The following ZNF892 variants were observed in gnomAD, a reference collection of about 807,000 sequenced individuals.
ZNF892 encodes zinc finger protein 570-like.
chr2:95,227,317 A>AT, the ZNF892 span, among the ~76,000 whole-genome samples: 2 of 151,746 alleles, frequency 1.3e-5, no homozygotes, highest in African/African-American at 4.8e-5. Context: ...CAGCATGTGT[A>AT]TTTTTTTATT....
the ZNF892 span, among the ~76,000 whole-genome samples, chr2:95,261,582 A>C: frequency 1.3e-4 from 20 of 152,224 alleles, no homozygotes; most frequent in African/African-American, 4.6e-4. Context: ...GGCGTGAGCC[A>C]CCACGACTGG....
chr2:95,237,638 A>G, the ZNF892 span, among the ~76,000 whole-genome samples: 1 of 152,356 alleles, frequency 6.6e-6, no homozygotes, highest in South Asian at 2.1e-4. Flanking sequence ...GCTAGAAATG[A>G]TCAAGCTTAG....
At chr2:95,220,941 T>C in the ZNF892 span, among the ~76,000 whole-genome samples, 2 of 152,228 alleles carry the variant, frequency 1.3e-5, no homozygotes, top group East Asian at 3.8e-4. Flanking sequence ...AATTTTGGAT[T>C]TTTTTACAAT....
chr2:95,216,284 T>G, the ZNF892 span, among the ~76,000 whole-genome samples: 1 of 152,246 alleles, frequency 6.6e-6, no homozygotes, highest in Non-Finnish European at 1.5e-5. Flanking sequence ...TGTTTGCTTT[T>G]GGACTTTTTG....
chr2:95,210,306 T>C, the ZNF892 span, among the ~76,000 whole-genome samples: 1 of 151,580 alleles, frequency 6.6e-6, no homozygotes, highest in Non-Finnish European at 1.5e-5. Flanking sequence ...AAGTGGTAGT[T>C]TAAAGAGCGG....
chr2:95,247,630 A>G, the ZNF892 span, among the ~76,000 whole-genome samples: 1 of 152,222 alleles, frequency 6.6e-6, no homozygotes. Flanking sequence ...TCTAATATTT[A>G]TAATCTATAA....
At chr2:95,230,166 G>A in the ZNF892 span, among the ~76,000 whole-genome samples, 11 of 152,250 alleles carry the variant, frequency 7.2e-5, no homozygotes, top group Admixed American at 2.0e-4. Context: ...GGAGCTAAGC[G>A]ATGAGGATGC....
At chr2:95,237,475 C>G in the ZNF892 span, among the ~76,000 whole-genome samples, 27 of 152,260 alleles carry the variant, frequency 1.8e-4, no homozygotes, top group African/African-American at 5.5e-4. Context: ...CTGACTGTTC[C>G]TCTGACCAGA....
chr2:95,253,130 C>G, the ZNF892 span, among the ~76,000 whole-genome samples: 2 of 151,958 alleles, frequency 1.3e-5, no homozygotes, highest in Non-Finnish European at 2.9e-5. Context: ...GTTGCCATTG[C>G]TTGGTGTTTT....
chr2:95,257,431 G>A, the ZNF892 span, among the ~76,000 whole-genome samples: 4 of 152,172 alleles, frequency 2.6e-5, no homozygotes, highest in Admixed American at 1.3e-4. Context: ...TCCTCTGGAC[G>A]TTTTGTCTCA....
the ZNF892 span, among the ~76,000 whole-genome samples, chr2:95,223,469 G>C: frequency 6.6e-6 from 1 of 152,140 alleles, no homozygotes; most frequent in African/African-American, 2.4e-5. Context: ...TGCGATTTTG[G>C]CTCTTTGCAA....
the ZNF892 span, among the ~76,000 whole-genome samples, chr2:95,227,665 G>A: frequency 6.6e-6 from 1 of 152,074 alleles, no homozygotes; most frequent in Non-Finnish European, 1.5e-5. Context: ...TGCCCAGGCT[G>A]AAGTGCAGCA....
the ZNF892 span, among the ~76,000 whole-genome samples, chr2:95,252,468 C>T: frequency 6.6e-6 from 1 of 152,148 alleles, no homozygotes; most frequent in South Asian, 2.1e-4. Context: ...GCCACATTTT[C>T]TTAATCCAGT....
the ZNF892 span, among the ~76,000 whole-genome samples, chr2:95,249,134 A>G: frequency 8.2e-4 from 122 of 149,442 alleles, no homozygotes; most frequent in Admixed American, 1.7e-3. Context: ...CTTTGAACAC[A>G]GGGTTTTTAC....
the ZNF892 span, among the ~76,000 whole-genome samples, chr2:95,206,518 C>A: frequency 1.3e-5 from 2 of 151,920 alleles, no homozygotes; most frequent in Non-Finnish European, 2.9e-5. Flanking sequence ...ATGCCAAAAT[C>A]AAAAAACAAA....
At chr2:95,250,211 T>G in the ZNF892 span, among the ~76,000 whole-genome samples, 2 of 152,086 alleles carry the variant, frequency 1.3e-5, no homozygotes, top group Non-Finnish European at 2.9e-5. Context: ...TTATTGTGTA[T>G]TTTATTGTTA....
At chr2:95,242,223 A>G in the ZNF892 span, among the ~76,000 whole-genome samples, 1 of 152,192 alleles carries the variant, frequency 6.6e-6, no homozygotes, top group East Asian at 1.9e-4. Context: ...GAAAGAAAAA[A>G]TGTTAAGAGC....
At chr2:95,247,279 C>T in the ZNF892 span, among the ~76,000 whole-genome samples, 6 of 152,090 alleles carry the variant, frequency 3.9e-5, no homozygotes, top group Non-Finnish European at 8.8e-5. Flanking sequence ...ATTCAATAAA[C>T]AGTGCTGGAA....
chr2:95,215,386 G>T, the ZNF892 span: 3 of 448,398 alleles, frequency 6.7e-6, no homozygotes, highest in Non-Finnish European at 1.2e-5. Context: ...AAAGATTGTG[G>T]AAAAGCATTC....
Sources: allele counts gnomAD v4.1 joint callset (sites outside exome capture counted in the v4.1 genomes callset), GRCh38; gene constraint gnomAD v4.1.1; transcripts MANE v1.5; gene names NCBI Gene and HGNC (gene_info 2026-07-23, HGNC 2026-07-21).